The following RETREG1 variants were observed in gnomAD, a reference collection of about 807,000 sequenced individuals.
RETREG1 encodes reticulophagy regulator 1.
In RETREG1, 44 loss-of-function variants were observed where a neutral mutation model predicts 54.8. The observed-to-expected ratio is 0.80, with a 90% CI of 0.63 to 1.03. The LOEUF is 1.03. RETREG1 is among the 50% of genes least tolerant of loss of function. The pLI is 0.00. For synonymous variants in RETREG1, 217 were observed against 238.5 expected (o/e 0.91, Z 0.83); for missense variants, 554 against 605.1 (o/e 0.92, Z 0.89).
intron 1 of RETREG1, among the ~76,000 whole-genome samples, chr5:16,583,489 T>C (rs11959609): frequency 6.6e-6 from 1 of 151,972 alleles, no homozygotes; most frequent in Admixed American, 6.6e-5. Context: ...CGAGACTCTG[T>C]CTCAATATAT....
At chr5:16,529,256 A>G (rs1740837091) in intron 3 of RETREG1, among the ~76,000 whole-genome samples, 1 of 152,226 alleles carries the variant, frequency 6.6e-6, no homozygotes, top group African/African-American at 2.4e-5. Context: ...TTTAATATAA[A>G]ATACTTATTA....
chr5:16,474,827 A>T lies in RETREG1; in HGVS notation c.1408T>A (p.Leu470Met). Residue 470 changes from leucine to methionine, a missense_variant, in exon 9 of 9, where the codon TTG (leucine) becomes ATG (methionine). Around this residue, in one of 4 missense-constraint regions of RETREG1, gnomAD observed 30 missense variants for 32.4 expected, o/e 0.93. Coordinates refer to ENST00000306320, the MANE Select transcript of RETREG1 (RefSeq NM_001034850.3). ...GCTTCCTGGTCTTGTGTAAGTCCCA[A>T]TTCACTCTCAATTTGATCCAGCTCT... ...QSELDQIESE[L>M]GLTQDQEAEA... 2 of 1,613,874 alleles carry T rather than the reference A, an allele frequency of 1.2e-6. No individual in the cohort carries two copies. The highest frequency in any genetic ancestry group is 4.5e-5 in the East Asian group (2 of 44,880).
chr5:16,500,182 G>A (rs1739643737), intron 3 of RETREG1, among the ~76,000 whole-genome samples: 1 of 152,168 alleles, frequency 6.6e-6, no homozygotes, highest in Non-Finnish European at 1.5e-5. Flanking sequence ...AGAGCCTATG[G>A]GCTTCTCCCA....
chr5:16,522,702 C>T (rs765936114), intron 3 of RETREG1, among the ~76,000 whole-genome samples: 9 of 152,112 alleles, frequency 5.9e-5, no homozygotes, highest in Admixed American at 1.3e-4. Context: ...ATTTTAATAA[C>T]TTTTTTTGAA....
At chr5:16,479,842 C>A (rs566677230) in intron 5 of RETREG1, among the ~76,000 whole-genome samples, 1 of 151,950 alleles carries the variant, frequency 6.6e-6, no homozygotes, top group Non-Finnish European at 1.5e-5. Flanking sequence ...ATTTTAAAGT[C>A]CATTGTAAGA....
chr5:16,492,794 C>T (rs1171892107), intron 3 of RETREG1, among the ~76,000 whole-genome samples: 3 of 152,044 alleles, frequency 2.0e-5, no homozygotes, highest in South Asian at 4.2e-4. Context: ...GGCAGAGAAA[C>T]AAAATAAAAA....
intron 5 of RETREG1, 25 bp from the exon 6 acceptor site, chr5:16,479,012 T>A (rs1234922905): frequency 1.2e-6 from 2 of 1,609,238 alleles, no homozygotes; most frequent in Admixed American, 3.3e-5. Flanking sequence ...AGAGCAGAGG[T>A]AAAATGCCTT....
chr5:16,489,909 G>A (rs1355419288), intron 3 of RETREG1, among the ~76,000 whole-genome samples: 1 of 152,202 alleles, frequency 6.6e-6, no homozygotes, highest in African/African-American at 2.4e-5. Context: ...ACATTTTACA[G>A]GACAATGTTT....
intron 3 of RETREG1, among the ~76,000 whole-genome samples, chr5:16,503,199 C>G (rs1422494076): frequency 6.6e-6 from 1 of 152,170 alleles, no homozygotes; most frequent in African/African-American, 2.4e-5. Flanking sequence ...AGATATCTCA[C>G]GCAAAACAAA....
At chr5:16,477,814 C>T (rs750032473) in intron 7 of RETREG1, 26 bp from the exon 8 acceptor site, 26 of 1,612,632 alleles carry the variant, frequency 1.6e-5, no homozygotes, top group African/African-American at 8.0e-5. Context: ...TAAATACCAG[C>T]GGCACATTTT....
chr5:16,492,016 C>T (rs143093615), intron 3 of RETREG1, among the ~76,000 whole-genome samples: 5 of 152,128 alleles, frequency 3.3e-5, no homozygotes, highest in African/African-American at 7.2e-5. Flanking sequence ...GTATCTCCTG[C>T]GGGCACTGTT....
At chr5:16,521,446 G>A (rs1454760692) in intron 3 of RETREG1, among the ~76,000 whole-genome samples, 1 of 152,284 alleles carries the variant, frequency 6.6e-6, no homozygotes, top group African/African-American at 2.4e-5. Context: ...TACGGCTTGT[G>A]CATTTCAGGG....
intron 1 of RETREG1, among the ~76,000 whole-genome samples, chr5:16,589,188 G>C (rs184451667): frequency 3.2e-4 from 48 of 152,284 alleles, no homozygotes; most frequent in Admixed American, 2.5e-3. Flanking sequence ...CCTGGATGCG[G>C]ACTGTTGTCC....
intron 3 of RETREG1, among the ~76,000 whole-genome samples, chr5:16,535,689 G>A (rs375053703): frequency 4.6e-5 from 5 of 109,336 alleles, no homozygotes; most frequent in Admixed American, 8.7e-5. Context: ...GTTCCTGTGT[G>A]CACGCTGCCT....
chr5:16,488,147 C>A (rs1015006462), intron 3 of RETREG1, among the ~76,000 whole-genome samples: 1 of 152,216 alleles, frequency 6.6e-6, no homozygotes, highest in Non-Finnish European at 1.5e-5. Flanking sequence ...GATAAAGTAA[C>A]ACTGAATTCC....
chr5:16,540,255 T>C (rs1236145416), intron 3 of RETREG1, among the ~76,000 whole-genome samples: 2 of 152,232 alleles, frequency 1.3e-5, no homozygotes, highest in Non-Finnish European at 2.9e-5. Context: ...CTCTATCCTA[T>C]TGATGCAGTT....
At chr5:16,548,680 A>T (rs1368063687) in intron 3 of RETREG1, among the ~76,000 whole-genome samples, 10 of 152,242 alleles carry the variant, frequency 6.6e-5, no homozygotes, top group Non-Finnish European at 5.9e-5. Context: ...ATTAAGAAAA[A>T]TGTAAAGGAT....
At chr5:16,609,382 C>T (rs2126373607) in intron 1 of RETREG1, among the ~76,000 whole-genome samples, 1 of 143,098 alleles carries the variant, frequency 7.0e-6, no homozygotes, top group East Asian at 1.9e-4. Flanking sequence ...ATAACTGTAA[C>T]TGTATATAAC....
intron 1 of RETREG1, chr5:16,616,251 T>C (rs142428766): frequency 1.8e-4 from 37 of 207,022 alleles, no homozygotes; most frequent in African/African-American, 8.2e-4. Flanking sequence ...GGTCCAGATA[T>C]GCCTGCTGGG....
Sources: gnomAD v4.1 joint callset for allele counts (sites outside exome capture counted in the v4.1 genomes callset) on GRCh38, gnomAD v4.1.1 for gene constraint, gnomAD v4.1.1 regional missense constraint, MANE v1.5 for transcripts, NCBI Gene and HGNC (gene_info 2026-07-23, HGNC 2026-07-21) for gene names.